The following PCDHA3 variants were observed in gnomAD, a reference collection of about 807,000 sequenced individuals.
PCDHA3 encodes the protein protocadherin alpha 3.
In PCDHA3, 41 loss-of-function variants were observed where a neutral mutation model predicts 62.2. The ratio of observed to expected loss-of-function variants is 0.66; its 90% CI spans 0.51 to 0.86. The LOEUF (loss-of-function observed/expected upper bound fraction) is 0.86, where lower values mean the gene tolerates loss of function less well. PCDHA3 is among the 40% of genes least tolerant of loss of function. The pLI is 0.00. For synonymous variants in PCDHA3, 640 were observed against 555.4 expected, an observed-to-expected ratio of 1.15 and a Z score of -2.14; for missense variants, 1,304 against 1,241.2, an observed-to-expected ratio of 1.05 and a Z score of -0.76.
intron 3 of PCDHA3, among the ~76,000 whole-genome samples, chr5:140,998,878 T>C (rs1379445555): frequency 6.6e-6 from 1 of 152,218 alleles, no homozygotes; most frequent in Non-Finnish European, 1.5e-5. Context: ...ATAATAAGTT[T>C]AGTTGAATAA....
At chr5:140,999,001 C>T (rs1405051280) in intron 3 of PCDHA3, among the ~76,000 whole-genome samples, 3 of 152,214 alleles carry the variant, frequency 2.0e-5, no homozygotes, top group Non-Finnish European at 4.4e-5. Flanking sequence ...AATGCTGGAG[C>T]TGAGATTTGA....
chr5:140,836,286 C>A (rs146878440), intron 1 of PCDHA3: 2 of 1,613,774 alleles, frequency 1.2e-6, no homozygotes, highest in East Asian at 2.2e-5. Context: ...CAGCACGACA[C>A]GAGCCCTAGA....
intron 3 of PCDHA3, among the ~76,000 whole-genome samples, chr5:141,007,687 C>T (rs1434828672): frequency 1.3e-5 from 2 of 152,200 alleles, no homozygotes; most frequent in Non-Finnish European, 2.9e-5. Flanking sequence ...TATCCTACTT[C>T]CACCTCCCTC....
chr5:140,857,868 C>T (rs782242383), intron 1 of PCDHA3: 2 of 1,597,584 alleles, frequency 1.3e-6, no homozygotes, highest in South Asian at 1.1e-5. Flanking sequence ...GCGTGGCTGT[C>T]GTATGAATTG....
chr5:140,934,703 A>G (rs1348150058), intron 1 of PCDHA3, among the ~76,000 whole-genome samples: 1 of 152,156 alleles, frequency 6.6e-6, no homozygotes, highest in Non-Finnish European at 1.5e-5. Flanking sequence ...ATTCCTGGCC[A>G]TCTTACAAAA....
intron 1 of PCDHA3, among the ~76,000 whole-genome samples, chr5:140,932,061 T>G (rs1009983968): frequency 5.3e-5 from 8 of 152,046 alleles, no homozygotes; most frequent in African/African-American, 1.9e-4. Flanking sequence ...TACTAAAAAT[T>G]ATCAGTTTAA....
chr5:140,948,108 G>A (rs902891466), intron 1 of PCDHA3, among the ~76,000 whole-genome samples: 2 of 151,096 alleles, frequency 1.3e-5, no homozygotes, highest in Non-Finnish European at 3.0e-5. Context: ...ATTTTTCTTC[G>A]TTTTACTAAT....
chr5:140,980,504 C>G (rs1440940887), intron 2 of PCDHA3, among the ~76,000 whole-genome samples: 4 of 152,122 alleles, frequency 2.6e-5, no homozygotes, highest in Non-Finnish European at 5.9e-5. Flanking sequence ...ATGGCATGTG[C>G]CTGTAGTTCC....
In PCDHA3 at chr5:140,835,819, CG is replaced by C. The variant is rs2150245755; in HGVS notation, c.2394+32233del. On this transcript the variant is annotated intron_variant, in intron 1 of 3. Transcript: ENST00000522353. The stretch of plus-strand genomic sequence containing the variant: ...GGCTGCCACATCTTCACTGTGTCGG[CG>C]GGGGACGCGGACGCGCAGAAGAACG... The C allele has an allele frequency of 7.4e-6, 12 of 1,612,672 alleles. No homozygotes were observed. In the South Asian group the frequency reaches 1.2e-4, roughly 16 times the overall value.
intron 1 of PCDHA3, chr5:140,828,687 C>A: frequency 6.2e-7 from 1 of 1,614,206 alleles, no homozygotes; most frequent in Non-Finnish European, 8.5e-7. Context: ...TTAAAGAAAT[C>A]CTTGGACAGA....
At chr5:140,972,871 C>G (rs1436283252) in intron 1 of PCDHA3, among the ~76,000 whole-genome samples, 1 of 152,030 alleles carries the variant, frequency 6.6e-6, no homozygotes, top group Non-Finnish European at 1.5e-5. Flanking sequence ...ATCATGTTGT[C>G]CAGGATGGTC....
intron 1 of PCDHA3, among the ~76,000 whole-genome samples, chr5:140,896,197 T>G (rs911999135): frequency 2.0e-5 from 3 of 152,280 alleles, no homozygotes; most frequent in Non-Finnish European, 2.9e-5. Flanking sequence ...AGTGCCATGA[T>G]GAACATACAC....
intron 1 of PCDHA3, among the ~76,000 whole-genome samples, chr5:140,954,516 G>C (rs782233597): frequency 3.3e-5 from 5 of 152,172 alleles, no homozygotes; most frequent in Admixed American, 6.5e-5. Flanking sequence ...TTTACCTAAT[G>C]ATCAGTGATG....
At chr5:140,974,731 C>T (rs2096638633) in intron 1 of PCDHA3, among the ~76,000 whole-genome samples, 1 of 152,140 alleles carries the variant, frequency 6.6e-6, no homozygotes, top group Non-Finnish European at 1.5e-5. Context: ...GAACTCCTGT[C>T]TCCACCTTGG....
At chr5:140,875,240 C>A in intron 1 of PCDHA3, 1 of 923,800 alleles carries the variant, frequency 1.1e-6, no homozygotes. Context: ...CTTGTACTTA[C>A]ATAATCAGTC....
intron 1 of PCDHA3, chr5:140,967,692 G>C (rs781940460): frequency 6.2e-7 from 1 of 1,614,196 alleles, no homozygotes; most frequent in Admixed American, 1.7e-5. Flanking sequence ...CAGCTCTTCA[G>C]CATAGATGCC....
chr5:140,823,239 G>A, intron 1 of PCDHA3: 1 of 1,613,536 alleles, frequency 6.2e-7, no homozygotes, highest in African/African-American at 1.3e-5. Context: ...AGAACGCCCT[G>A]GTGTCCTACT....
chr5:140,887,140 A>T (rs1414836088), intron 1 of PCDHA3, among the ~76,000 whole-genome samples: 3 of 150,560 alleles, frequency 2.0e-5, no homozygotes, highest in Non-Finnish European at 4.4e-5. Context: ...TCTGTCGCCC[A>T]GGCTGGAGTA....
intron 1 of PCDHA3, chr5:140,807,799 A>G: frequency 6.2e-7 from 1 of 1,614,150 alleles, no homozygotes; most frequent in Admixed American, 1.7e-5. Context: ...ACAGAGAAGA[A>G]GCTCCGGAGA....
Sources: gnomAD v4.1 joint callset for allele counts (sites outside exome capture counted in the v4.1 genomes callset) on GRCh38, gnomAD v4.1.1 for gene constraint, MANE v1.5 for transcripts, NCBI Gene and HGNC (gene_info 2026-07-23, HGNC 2026-07-21) for gene names.